LRPPRC: variants seen among roughly 807,000 people sequenced by gnomAD.
LRPPRC encodes leucine-rich PPR motif-containing protein, mitochondrial.
A neutral mutation model predicts 180.3 loss-of-function variants in LRPPRC; 120 were observed. That is an observed-to-expected ratio of 0.67 (90% CI 0.57 to 0.77). The LOEUF is 0.77. LRPPRC is among the 30% of genes least tolerant of loss of function. LRPPRC has a pLI of 0.00. For synonymous variants in LRPPRC, 723 were observed against 600.0 expected (o/e 1.21, Z -3.00); for missense variants, 2,012 against 1,657.2 (o/e 1.21, Z -3.72).
intron 27 of LRPPRC, among the ~76,000 whole-genome samples, chr2:43,924,518 A>C (rs1444797191): frequency 6.6e-6 from 1 of 152,216 alleles, no homozygotes; most frequent in Non-Finnish European, 1.5e-5. Flanking sequence ...TGATAGGCTG[A>C]ATAAATTTTA....
intron 1 of LRPPRC, among the ~76,000 whole-genome samples, chr2:43,993,169 T>C (rs1273549622): frequency 2.0e-5 from 3 of 152,122 alleles, no homozygotes; most frequent in Non-Finnish European, 2.9e-5. Flanking sequence ...AAAGTGGATT[T>C]GGTAATTAAA....
chr2:43,917,387 T>A (rs917250959), intron 29 of LRPPRC, among the ~76,000 whole-genome samples: 3 of 152,104 alleles, frequency 2.0e-5, no homozygotes, highest in Non-Finnish European at 4.4e-5. Flanking sequence ...TTAAATACAT[T>A]ATAGAAATTT....
At chr2:43,975,774 GGTTT>G (rs972736305) in intron 6 of LRPPRC, among the ~76,000 whole-genome samples, 3 of 151,766 alleles carry the variant, frequency 2.0e-5, no homozygotes, top group African/African-American at 7.3e-5. Flanking sequence ...GTAGAGACCG[GGTTT>G]CACCATGTTG....
At chr2:43,966,411 A>G (rs1249849092) in intron 11 of LRPPRC, among the ~76,000 whole-genome samples, 3 of 129,504 alleles carry the variant, frequency 2.3e-5, no homozygotes, top group Non-Finnish European at 5.3e-5. Flanking sequence ...TTCTGGCCAC[A>G]ATATTTTTTT....
At position 43,982,267 on chromosome 2, in the gene LRPPRC, T is replaced by A; in HGVS notation, c.317A>T (p.Gln106Leu). Reference sequence around the variant, plus strand: ...GCGGCAGGTATCATTAAAAACTTTTTGTAGAAGCTTCTTTGGAATGCGGCC... The same window carrying A: ...GCGGCAGGTATCATTAAAAACTTTTAGTAGAAGCTTCTTTGGAATGCGGCC... The part of the protein sequence containing the change: ...RTGRIPKKLL[Q>L]KVFNDTCRSG... The change falls in exon 2 of 38, where the codon CAA (glutamine) becomes CTA (leucine). Residue 106 changes from glutamine to leucine, a missense_variant. Transcript: ENST00000260665. 2 of 1,573,914 alleles carry A rather than the reference T, an allele frequency of 1.3e-6. No homozygotes were observed. Among genetic ancestry groups the A allele is most frequent in the South Asian group, 2.4e-5 (2 of 84,676 alleles).
At chr2:43,946,485 C>T (rs1344512655) in intron 20 of LRPPRC, among the ~76,000 whole-genome samples, 1 of 151,786 alleles carries the variant, frequency 6.6e-6, no homozygotes, top group Admixed American at 6.6e-5. Context: ...ATTATTTATG[C>T]CAAATTTGAT....
At chr2:43,967,372 T>A (rs1350279856) in intron 11 of LRPPRC, among the ~76,000 whole-genome samples, 2 of 145,896 alleles carry the variant, frequency 1.4e-5, no homozygotes, top group Non-Finnish European at 3.0e-5. Flanking sequence ...TCATGTTGTT[T>A]ATCATATAGA....
At chr2:43,912,367 T>G (rs946946954) in intron 30 of LRPPRC, 65 bp downstream of exon 30, 2 of 1,430,972 alleles carry the variant, frequency 1.4e-6, no homozygotes, top group Non-Finnish European at 2.0e-6. Flanking sequence ...CTATTATAAT[T>G]ATTGGCTAAT....
At position 43,955,630 on chromosome 2, in the gene LRPPRC, C is replaced by T. The variant is rs182953525; in HGVS notation, c.1649+1755G>A. On this transcript the variant is annotated intron_variant, in intron 14 of 37. Coordinates refer to ENST00000260665, the MANE Select transcript of LRPPRC (RefSeq NM_133259.4). ...TGGCATGCGCCCATAGTCCCAGCTG[C>T]TCGGGAGGCTACGATGGGAGGATCG... Among the ~76,000 whole-genome samples, 8 of 152,174 alleles carry T rather than the reference C, an allele frequency of 5.3e-5. No individual in the cohort carries two copies. The East Asian group carries it at 1.4e-3, about 26-fold the overall frequency.
chr2:43,913,100 C>A (rs1348839661), intron 29 of LRPPRC, among the ~76,000 whole-genome samples: 2 of 152,270 alleles, frequency 1.3e-5, no homozygotes, highest in African/African-American at 4.8e-5. Context: ...TTGGCTACGA[C>A]AGGACTTATA....
rs150126989 is a variant in LRPPRC, at chr2:43,979,797, A to G, written c.469+29T>C. 168 of 1,606,692 alleles carry G rather than the reference A, an allele frequency of 1.0e-4. No individual in the cohort carries two copies. The African/African-American group carries it at 1.5e-3, about 14-fold the overall frequency. On this transcript the variant is annotated intron_variant, in intron 3 of 37. Transcript: ENST00000260665. ...AAAAGAAAAAACATCTACACCTTTT[A>G]TACACATCATATATTTAAACAATCA...
At chr2:43,982,916 G>A (rs912988068) in intron 1 of LRPPRC, among the ~76,000 whole-genome samples, 2 of 149,268 alleles carry the variant, frequency 1.3e-5, no homozygotes, top group Non-Finnish European at 3.0e-5. Flanking sequence ...CAATGTCCAG[G>A]CTAAAACGAT....
chr2:43,925,866 A>T, intron 26 of LRPPRC, 27 bp downstream of exon 26: 5 of 1,536,834 alleles, frequency 3.3e-6, no homozygotes, highest in South Asian at 2.2e-5. Flanking sequence ...CTTTTAGGTG[A>T]TTGAGACATC....
At position 43,982,667 on chromosome 2, in the gene LRPPRC, C is replaced by A. The variant is rs4276071; in HGVS notation, c.150-233G>T. ...AGTAAATCTCCTGAATAATTGACAA[C>A]ATCTTGGTAACTTTGAACATGGAAT... On this transcript the variant is annotated intron_variant, in intron 1 of 37. Coordinates refer to ENST00000260665, the MANE Select transcript of LRPPRC (RefSeq NM_133259.4). Among the ~76,000 whole-genome samples the A allele has an allele frequency of 0.36, 54,433 of 151,954 alleles. 10,371 individuals carry two copies. The highest frequency in any genetic ancestry group is 0.43 in the Non-Finnish European group (28,954 of 67,924).
chr2:43,925,451 G>A (rs1671842514), intron 26 of LRPPRC, among the ~76,000 whole-genome samples: 1 of 152,164 alleles, frequency 6.6e-6, no homozygotes, highest in Non-Finnish European at 1.5e-5. Context: ...CTGGGTGGGA[G>A]AACTCAATGA....
chr2:43,905,916 A>G (rs1220946325), intron 30 of LRPPRC, 136 bp from the exon 31 acceptor site: 1 of 720,264 alleles, frequency 1.4e-6, no homozygotes, highest in African/African-American at 1.7e-5. Flanking sequence ...CGACCTGGAG[A>G]CAGCTTTTGT....
At chr2:43,996,083 G>A, upstream of LRPPRC, 2 of 793,586 alleles carry the variant, frequency 2.5e-6, no homozygotes, top group East Asian at 6.4e-5. Context: ...ATTGTTTTAG[G>A]TTGGAAGATG....
intron 29 of LRPPRC, 26 bp downstream of exon 29, chr2:43,917,996 CACA>C: frequency 1.4e-6 from 2 of 1,453,706 alleles, no homozygotes; most frequent in Non-Finnish European, 1.9e-6. Flanking sequence ...CACCCCCCCA[CACA>C]CACCCCCATC....
chr2:43,946,401 T>C (rs1672683698), intron 20 of LRPPRC, among the ~76,000 whole-genome samples, 158 bp from the exon 21 acceptor site: 1 of 152,092 alleles, frequency 6.6e-6, no homozygotes, highest in African/African-American at 2.4e-5. Context: ...ATATTTTTAT[T>C]CACCTCTAAG....
Sources: gnomAD v4.1 joint callset for allele counts (sites outside exome capture counted in the v4.1 genomes callset) on GRCh38, gnomAD v4.1.1 for gene constraint, MANE v1.5 for transcripts, NCBI Gene and HGNC (gene_info 2026-07-23, HGNC 2026-07-21) for gene names.